DRC9: variants seen among roughly 807,000 people sequenced by gnomAD.
The protein encoded by DRC9 is dynein regulatory complex subunit 9.
chr3:197,911,407 C>A, the DRC9 span, among the ~76,000 whole-genome samples: 5 of 152,028 alleles, frequency 3.3e-5, no homozygotes, highest in African/African-American at 4.8e-5. Context: ...AAAAACAGTT[C>A]TTTGGGCAAA....
At chr3:197,915,412 C>T in the DRC9 span, among the ~76,000 whole-genome samples, 1 of 152,002 alleles carries the variant, frequency 6.6e-6, no homozygotes, top group South Asian at 2.1e-4. Flanking sequence ...GGAGACCCAA[C>T]TGAGAAATTC....
the DRC9 span, among the ~76,000 whole-genome samples, chr3:197,933,933 C>T: frequency 2.0e-5 from 3 of 148,376 alleles, no homozygotes; most frequent in Admixed American, 6.7e-5. Flanking sequence ...GCCTTAGCCT[C>T]CTGAGTGGCT....
chr3:197,958,844 G>A, the DRC9 span: 1 of 152,278 alleles, frequency 6.6e-6, no homozygotes, highest in Non-Finnish European at 1.5e-5. Context: ...CGTTGCCAAA[G>A]GAGGAGTCCT....
At chr3:197,893,906 C>G in the DRC9 span, among the ~76,000 whole-genome samples, 1 of 151,982 alleles carries the variant, frequency 6.6e-6, no homozygotes, top group African/African-American at 2.4e-5. Flanking sequence ...CTACACATAG[C>G]CAACCCAGCA....
chr3:197,952,198 G>C, the DRC9 span, among the ~76,000 whole-genome samples: 1 of 117,764 alleles, frequency 8.5e-6, no homozygotes. Context: ...TGGAGACGGA[G>C]TCTCACTGTC....
chr3:197,895,907 G>A, the DRC9 span, among the ~76,000 whole-genome samples: 70 of 150,186 alleles, frequency 4.7e-4, no homozygotes, highest in Non-Finnish European at 7.1e-4. Context: ...CCCAGGATGC[G>A]GAGGTTGCAG....
the DRC9 span, among the ~76,000 whole-genome samples, chr3:197,920,005 G>T: frequency 6.6e-6 from 1 of 150,826 alleles, no homozygotes; most frequent in African/African-American, 2.5e-5. Context: ...TTCGAGACCA[G>T]CCTGGCTAAC....
At chr3:197,960,111 T>C in the DRC9 span, 4 of 889,178 alleles carry the variant, frequency 4.5e-6, no homozygotes, top group Middle Eastern at 3.6e-4. Flanking sequence ...GGCGAACTTC[T>C]AGCGGGTGAC....
At chr3:197,905,504 C>T in the DRC9 span, among the ~76,000 whole-genome samples, 545 of 152,114 alleles carry the variant, frequency 3.6e-3, 3 homozygotes, top group South Asian at 0.015. Context: ...CTCAGCACTT[C>T]GGGAGGCTGA....
At chr3:197,901,924 C>T in the DRC9 span, among the ~76,000 whole-genome samples, 1 of 152,144 alleles carries the variant, frequency 6.6e-6, no homozygotes, top group African/African-American at 2.4e-5. The surrounding 1 kb of genome is among the most constrained non-coding windows in gnomAD (Gnocchi z 4.4). Context: ...TGGGTGAGAC[C>T]AGGTGCTGTG....
At chr3:197,930,281 G>A in the DRC9 span, among the ~76,000 whole-genome samples, 3 of 152,120 alleles carry the variant, frequency 2.0e-5, no homozygotes, top group Non-Finnish European at 2.9e-5. Flanking sequence ...CCAGGAAGTC[G>A]AGGCTGCCAT....
At chr3:197,914,219 G>T in the DRC9 span, among the ~76,000 whole-genome samples, 2 of 152,186 alleles carry the variant, frequency 1.3e-5, no homozygotes, top group African/African-American at 2.4e-5. Context: ...ATGAAAGTGA[G>T]TAACACAGCA....
At chr3:197,891,615 G>A in the DRC9 span, 20 of 758,280 alleles carry the variant, frequency 2.6e-5, no homozygotes, top group South Asian at 4.0e-4. Flanking sequence ...AGCCAGCCCT[G>A]CACTTTTAAT....
the DRC9 span, among the ~76,000 whole-genome samples, chr3:197,922,741 T>TA: frequency 6.6e-6 from 1 of 151,054 alleles, no homozygotes; most frequent in Non-Finnish European, 1.5e-5. Flanking sequence ...AATAAATAAA[T>TA]AAATATCTTC....
the DRC9 span, among the ~76,000 whole-genome samples, chr3:197,944,361 C>G: frequency 5.7e-3 from 863 of 151,904 alleles, 1 homozygote; most frequent in Non-Finnish European, 8.1e-3. Flanking sequence ...CAGGTTCAAG[C>G]GATTCTCCTG....
chr3:197,910,802 A>G, the DRC9 span, among the ~76,000 whole-genome samples: 1 of 152,086 alleles, frequency 6.6e-6, no homozygotes, highest in African/African-American at 2.4e-5. Flanking sequence ...CAACACAGTG[A>G]AACCCCATCT....
chr3:197,913,889 CT>C, the DRC9 span: 1 of 1,614,180 alleles, frequency 6.2e-7, no homozygotes, highest in East Asian at 2.2e-5. Context: ...ACCTCAATCT[CT>C]TCCACCAAGA....
chr3:197,897,553 A>G, the DRC9 span, among the ~76,000 whole-genome samples: 1 of 152,210 alleles, frequency 6.6e-6, no homozygotes, highest in Non-Finnish European at 1.5e-5. Flanking sequence ...ATCCACAATC[A>G]TCTTAGGAAA....
At chr3:197,923,655 G>T in the DRC9 span, among the ~76,000 whole-genome samples, 4 of 151,574 alleles carry the variant, frequency 2.6e-5, no homozygotes, top group Admixed American at 6.6e-5. Context: ...ATTTGAGCCT[G>T]GGAGGCAGAG....
Sources: gnomAD v4.1 joint callset for allele counts (sites outside exome capture counted in the v4.1 genomes callset) on GRCh38, gnomAD v4.1.1 for gene constraint, Gnocchi (gnomAD v3.1) non-coding constraint, MANE v1.5 for transcripts, NCBI Gene and HGNC (gene_info 2026-07-23, HGNC 2026-07-21) for gene names.